Variants in ZNF324 observed in about 807,000 individuals in gnomAD.
ZNF324 encodes zinc finger protein 324A.
In ZNF324, 3 loss-of-function variants were observed where a neutral mutation model predicts 10.3. The observed-to-expected ratio is 0.29, with a 90% CI of 0.13 to 0.75. The LOEUF is 0.75. ZNF324 is among the 30% of genes least tolerant of loss of function. The pLI is 0.69. For synonymous variants in ZNF324, 430 were observed against 339.5 expected, an observed-to-expected ratio of 1.27 and a Z score of -2.93; for missense variants, 763 against 784.4, an observed-to-expected ratio of 0.97 and a Z score of 0.33.
chr19:58,474,926 A>C lies in ZNF324; in HGVS notation c.*2772A>C, dbSNP rs1429522634. ...CCCACCAGGCTGACTCCAGAACCGC[A>C]GAAGGCTGAGAACCAGCAGCCCAGA... On this transcript the variant is annotated 3_prime_UTR_variant, in exon 4 of 4. Coordinates refer to ENST00000196482, the MANE Select transcript of ZNF324 (RefSeq NM_014347.3). The C allele has an allele frequency of 1.3e-5, 2 of 152,318 alleles. No individual in the cohort carries two copies. The highest frequency in any genetic ancestry group is 2.9e-5 in the Non-Finnish European group (2 of 68,070). The allele number at this position is 152,318 out of a possible 1,614,324, so 9.4% of individuals were successfully genotyped here.
At position 58,471,258 on chromosome 19, in the gene ZNF324, T is replaced by A; in HGVS notation, c.766T>A (p.Ser256Thr). Residue 256 changes from serine (S) to threonine (T), a missense_variant, in exon 4 of 4, where the codon TCC (serine) becomes ACC (threonine). This residue lies in a region of ZNF324 where 153 missense variants were observed against 269.0 expected (regional missense o/e 0.57). Coordinates refer to ENST00000196482, the MANE Select transcript of ZNF324 (RefSeq NM_014347.3). Reference protein sequence around the residue: ...LGEALHAGEKSFECRACSKVF... With the variant: ...LGEALHAGEKTFECRACSKVF... ...CGAGGCTCTTCACGCTGGGGAGAAG[T>A]CCTTCGAATGCAGGGCGTGCAGCAA... 2 of 1,613,512 alleles carry A rather than the reference T, an allele frequency of 1.2e-6. No homozygotes were observed. The highest frequency in any genetic ancestry group is 1.7e-6 in the Non-Finnish European group (2 of 1,179,908).
At position 58,472,225 on chromosome 19, in the gene ZNF324, C is replaced by T; in HGVS notation, c.*71C>T. 1 of 1,418,446 alleles carries T rather than the reference C, an allele frequency of 7.0e-7. No homozygotes were observed. Among genetic ancestry groups the T allele is most frequent in the South Asian group, 1.4e-5 (1 of 71,268 alleles). The allele number at this position is 1,418,446 out of a possible 1,614,324, so 87.9% of individuals were successfully genotyped here. On this transcript the variant is annotated 3_prime_UTR_variant, in exon 4 of 4. Transcript: ENST00000196482. ...TAAAGGGCATATGTCCTCTGCAGAT[C>T]CACAGCAGAGAAAAAGTCCCGTGCT...
chr19:58,471,563 C>T lies in ZNF324; in HGVS notation c.1071C>T (p.Ser357=), dbSNP rs1279031907. ...CCTTCAGCCACGGCTCCAACCTCAGCCAGCACCGCAAGATCCACGCGGGTG... is the reference window on the plus strand; with the variant it reads ...CCTTCAGCCACGGCTCCAACCTCAGTCAGCACCGCAAGATCCACGCGGGTG... ...GKAFSHGSNL[S]QHRKIHAGGR... Residue 357 remains serine, a synonymous_variant, in exon 4 of 4, where the codon AGC becomes AGT. Transcript: ENST00000196482. The T allele has an allele frequency of 1.3e-6, 2 of 1,585,908 alleles. No individual in the cohort carries two copies. The highest frequency in any genetic ancestry group is 1.7e-6 in the Non-Finnish European group (2 of 1,164,430).
chr19:58,469,892 A>AT, intron 3 of ZNF324, 48 bp downstream of exon 3: 1 of 1,471,486 alleles, frequency 6.8e-7, no homozygotes, highest in Non-Finnish European at 9.3e-7. Context: ...ACCTGTGGTC[A>AT]TGCCTCTGTC....
chr19:58,469,110 C>T, intron 1 of ZNF324, 70 bp from the exon 2 acceptor site: 1 of 1,603,744 alleles, frequency 6.2e-7, no homozygotes, highest in Admixed American at 1.7e-5. Flanking sequence ...TCCAATGTGG[C>T]CCAGGGAAGC....
rs1041184845 is a variant in ZNF324 at position 58,470,478 on chromosome 19, T to C, written c.239-253T>C. On this transcript the variant is annotated intron_variant, in intron 3 of 3. Coordinates refer to ENST00000196482, the MANE Select transcript of ZNF324 (RefSeq NM_014347.3). ...TGCAGCATACAGCAGCCGCTAGTTT[T>C]CCTCAGCTTCACATCCTGGGTGTCG... 9.7e-6 allele frequency: 6 copies of C among 615,418 alleles called. No individual in the cohort carries two copies. The Admixed American group carries it at 1.5e-4, about 16-fold the overall frequency. 38.1% of individuals were successfully genotyped at this position (615,418 alleles called of 1,614,324 possible).
At chr19:58,468,274 C>T in intron 1 of ZNF324, 3 of 983,762 alleles carry the variant, frequency 3.0e-6, no homozygotes, top group Non-Finnish European at 3.6e-6. Flanking sequence ...GGCAGGGACT[C>T]AGCCAGGTGT....
At position 58,471,048 on chromosome 19, in the gene ZNF324, G is replaced by A; in HGVS notation, c.556G>A (p.Gly186Arg). ...EKTLTEHALL[G>R]RQPRTPERQK... Reference sequence around the variant, plus strand: ...GACACTCACAGAGCATGCGTTGCTGGGGAGGCAGCCCAGGACGCCTGAGCG... The same window carrying A: ...GACACTCACAGAGCATGCGTTGCTGAGGAGGCAGCCCAGGACGCCTGAGCG... The change falls in exon 4 of 4, where the codon GGG becomes AGG. Residue 186 changes from glycine to arginine, a missense_variant. Physicochemically the swap from Gly to Arg is moderately radical, Grantham distance 125. Coordinates refer to ENST00000196482, the MANE Select transcript of ZNF324 (RefSeq NM_014347.3). The A allele has an allele frequency of 6.2e-7, 1 of 1,613,998 alleles. No homozygotes were observed. The highest frequency in any genetic ancestry group is 8.5e-7 in the Non-Finnish European group (1 of 1,180,038).
chr19:58,468,589 C>T (rs2122403759), intron 1 of ZNF324, among the ~76,000 whole-genome samples: 1 of 152,124 alleles, frequency 6.6e-6, no homozygotes, highest in Non-Finnish European at 1.5e-5. Context: ...TGCTGGGACT[C>T]ACAGTTTCTT....
In ZNF324 at chr19:58,472,304, G is replaced by T. The variant is rs576734268; in HGVS notation, c.*150G>T. 4.7e-6 allele frequency: 4 copies of T among 843,924 alleles called. No individual in the cohort carries two copies. The African/African-American group carries it at 6.8e-5, about 14-fold the overall frequency. The allele number at this position is 843,924 out of a possible 1,614,324, so 52.3% of individuals were successfully genotyped here. A position where few individuals can be genotyped will look rare whatever the true frequency, so the allele number is the denominator to read the frequency against. ...GGCTGTGATTTCATTTGCACGTGGG[G>T]ACAGGATTTGCCAGTTCACCCACAG... On this transcript the variant is annotated 3_prime_UTR_variant, in exon 4 of 4. Coordinates refer to ENST00000196482, the MANE Select transcript of ZNF324 (RefSeq NM_014347.3).
chr19:58,469,775 G>C lies in ZNF324; in HGVS notation c.169G>C (p.Glu57Gln), dbSNP rs758776004. Reference protein sequence around the residue: ...PRVVIQLERGEEPWVPSGTDT... With the variant: ...PRVVIQLERGQEPWVPSGTDT... Reference sequence around the variant, plus strand: ...TGTGGTCATCCAACTGGAGCGTGGCGAGGAGCCCTGGGTTCCCAGTGGAAC... The same window carrying C: ...TGTGGTCATCCAACTGGAGCGTGGCCAGGAGCCCTGGGTTCCCAGTGGAAC... The change falls in exon 3 of 4, where the codon GAG becomes CAG. Residue 57 changes from glutamate (E) to glutamine (Q), a missense_variant. By Grantham distance (29) the Glu-to-Gln change is conservative (BLOSUM62 2). Around this residue, in one of 3 missense-constraint regions of ZNF324, gnomAD observed 379 missense variants for 319.4 expected, o/e 1.19. Transcript: ENST00000196482. The C allele has an allele frequency of 1.9e-6, 3 of 1,595,688 alleles. 1 individual carries two copies. The highest frequency in any genetic ancestry group is 2.6e-6 in the Non-Finnish European group (3 of 1,171,430).
At chr19:58,470,594 G>A (rs755487804) in intron 3 of ZNF324, 137 bp from the exon 4 acceptor site, 4 of 1,081,574 alleles carry the variant, frequency 3.7e-6, no homozygotes, top group East Asian at 2.5e-5. Context: ...AGCCCCTCCT[G>A]CAGGGCCAGC....
chr19:58,470,832 G>A lies in ZNF324; in HGVS notation c.340G>A (p.Gly114Ser), dbSNP rs762578354. 27 of 1,614,074 alleles carry A rather than the reference G, an allele frequency of 1.7e-5. No individual in the cohort carries two copies. In the South Asian group the frequency reaches 2.1e-4, roughly 12 times the overall value. The change falls in exon 4 of 4, where the codon GGT (glycine) becomes AGT (serine). Residue 114 changes from glycine (G) to serine (S), a missense_variant. This residue lies in a region of ZNF324 where 379 missense variants were observed against 319.4 expected (regional missense o/e 1.19). Coordinates refer to ENST00000196482, the MANE Select transcript of ZNF324 (RefSeq NM_014347.3). ...GMTTSVFPVAGACHSVKSLQR... is the reference protein window; with the variant it reads ...GMTTSVFPVASACHSVKSLQR... Reference sequence around the variant, plus strand: ...GACTACTAGCGTCTTCCCTGTTGCCGGTGCCTGCCACAGTGTAAAAAGCCT... The same window carrying A: ...GACTACTAGCGTCTTCCCTGTTGCCAGTGCCTGCCACAGTGTAAAAAGCCT...
rs570634979 is a variant in ZNF324, at chr19:58,473,709, A to G, written c.*1555A>G. ...TCCTGGACTTGGCTTCAACCTGGGT[A>G]CCCTCAAGAGGCCACAGAGTAGAGA... On this transcript the variant is annotated 3_prime_UTR_variant, in exon 4 of 4. Transcript: ENST00000196482. The G allele has an allele frequency of 6.6e-6, 1 of 152,330 alleles. No homozygotes were observed. Among genetic ancestry groups the G allele is most frequent in the East Asian group, 1.9e-4 (1 of 5,176 alleles). 9.4% of individuals were successfully genotyped at this position (152,330 alleles called of 1,614,324 possible). A position where few individuals can be genotyped will look rare whatever the true frequency, so the allele number is the denominator to read the frequency against.
rs1053750297 is a variant in ZNF324, at chr19:58,473,230, C to G, written c.*1076C>G. On this transcript the variant is annotated 3_prime_UTR_variant, in exon 4 of 4. Coordinates refer to ENST00000196482, the MANE Select transcript of ZNF324 (RefSeq NM_014347.3). ...GCTGGACAGAGCTGAATAGGAAAGA[C>G]TTGCTATTGCCTAAGGCTATGTGTG... The G allele has an allele frequency of 1.3e-5, 2 of 152,508 alleles. No individual in the cohort carries two copies. Among genetic ancestry groups the G allele is most frequent in the African/African-American group, 4.8e-5 (2 of 41,400 alleles). The allele number at this position is 152,508 out of a possible 1,614,324, so 9.4% of individuals were successfully genotyped here.
intron 2 of ZNF324, 31 bp downstream of exon 2, chr19:58,469,337 A>G: frequency 6.2e-7 from 1 of 1,608,828 alleles, no homozygotes; most frequent in Admixed American, 1.7e-5. Context: ...TGAAATGGGC[A>G]ACTGATAACA....
chr19:58,470,558 CAG>C, intron 3 of ZNF324, 171 bp from the exon 4 acceptor site: 2 of 782,274 alleles, frequency 2.6e-6, no homozygotes, highest in Non-Finnish European at 4.4e-6. Flanking sequence ...CCATACCTAT[CAG>C]GGCAGATTGT....
chr19:58,471,157 A>T lies in ZNF324; in HGVS notation c.665A>T (p.His222Leu). The T allele has an allele frequency of 6.2e-7, 1 of 1,613,686 alleles. No individual in the cohort carries two copies. The highest frequency in any genetic ancestry group is 1.3e-5 in the African/African-American group (1 of 75,048). ...DLEAAGGRGH[H>L]RMGAVWQEPH... is the part of the protein sequence containing the mutation. ...GAGGCTGCCGGCGGTCGGGGACATC[A>T]CCGAATGGGTGCAGTTTGGCAGGAG... Residue 222 changes from histidine (H) to leucine (L), a missense_variant, in exon 4 of 4, where the codon CAC becomes CTC. Physicochemically the swap from His to Leu is moderately conservative, Grantham distance 99 (BLOSUM62 -3). This residue lies in a region of ZNF324 where 379 missense variants were observed against 319.4 expected (regional missense o/e 1.19). Transcript: ENST00000196482.
chr19:58,470,979 A>G lies in ZNF324; in HGVS notation c.487A>G (p.Thr163Ala), dbSNP rs897991754. 3 of 1,613,966 alleles carry G rather than the reference A, an allele frequency of 1.9e-6. No homozygotes were observed. The highest frequency in any genetic ancestry group is 2.5e-6 in the Non-Finnish European group (3 of 1,179,994). Residue 163 changes from threonine (T) to alanine (A), a missense_variant, in exon 4 of 4, where the codon ACC (threonine) becomes GCC (alanine). By Grantham distance (58) the Thr-to-Ala change is moderately conservative. Transcript: ENST00000196482. ...SGQASVSLRL[T>A]SPLRPPEGVR... Reference sequence around the variant, plus strand: ...GCAAGCCAGCGTCAGCCTGCGACTGACCTCCCCGCTTAGGCCTCCCGAGGG... The same window carrying G: ...GCAAGCCAGCGTCAGCCTGCGACTGGCCTCCCCGCTTAGGCCTCCCGAGGG...
Sources: gnomAD v4.1 joint callset for allele counts (sites outside exome capture counted in the v4.1 genomes callset) on GRCh38, gnomAD v4.1.1 for gene constraint, gnomAD v4.1.1 regional missense constraint, MANE v1.5 for transcripts, NCBI Gene and HGNC (gene_info 2026-07-23, HGNC 2026-07-21) for gene names.